Variants in ADGRL2 observed in about 807,000 individuals in gnomAD.
The protein encoded by ADGRL2 is calcium-independent alpha-latrotoxin receptor 2.
ADGRL2 carries 44 observed loss-of-function variants against 157.4 expected under a neutral mutation model. The ratio of observed to expected loss-of-function variants is 0.28; its 90% CI spans 0.22 to 0.36. The LOEUF (loss-of-function observed/expected upper bound fraction) is 0.36, where lower values mean the gene tolerates loss of function less well. Among genes scored for constraint, ADGRL2 ranks in the 10% least tolerant of loss-of-function variants. The pLI is 1.00. For missense variants in ADGRL2, 1,510 were observed against 1,768.9 expected, an observed-to-expected ratio of 0.85 and a Z score of 2.63; for synonymous variants, 585 against 624.7, an observed-to-expected ratio of 0.94 and a Z score of 0.95.
chr1:81,446,078 A>G (rs532493988), intron 2 of ADGRL2, among the ~76,000 whole-genome samples: 36 of 152,264 alleles, frequency 2.4e-4, no homozygotes, highest in Non-Finnish European at 4.3e-4. Context: ...CCAAACTCTG[A>G]GTTCTGTTTT....
intron 1 of ADGRL2, among the ~76,000 whole-genome samples, chr1:81,718,118 C>T (rs2084176585): frequency 6.6e-6 from 1 of 152,154 alleles, no homozygotes. Context: ...CTCTCGGGTT[C>T]AAGTGATTCT....
At chr1:81,703,022 G>A (rs1211254670) in intron 1 of ADGRL2, among the ~76,000 whole-genome samples, 1 of 152,192 alleles carries the variant, frequency 6.6e-6, no homozygotes, top group Non-Finnish European at 1.5e-5. Context: ...ACAACACACT[G>A]GGGTAGTTCA....
chr1:81,638,229 G>A (rs900184871), intron 3 of ADGRL2, among the ~76,000 whole-genome samples: 3 of 152,050 alleles, frequency 2.0e-5, no homozygotes, highest in Non-Finnish European at 4.4e-5. Flanking sequence ...ACTTTCTTTG[G>A]CAAACAATAA....
At chr1:81,465,009 C>G (rs1170321190) in intron 2 of ADGRL2, among the ~76,000 whole-genome samples, 1 of 151,628 alleles carries the variant, frequency 6.6e-6, no homozygotes, top group African/African-American at 2.4e-5. Flanking sequence ...CAGTCGCCCA[C>G]TGTTCTACCA....
rs542879373 is a variant in ADGRL2 at position 81,412,563 on chromosome 1, A to G, written c.-301-32473A>G. ...TAATGATATATTTAACTTTCTCTCCACTTGGACTCTAAGCTCGCTGGGGGA... is the reference window on the plus strand; with the variant it reads ...TAATGATATATTTAACTTTCTCTCCGCTTGGACTCTAAGCTCGCTGGGGGA... On this transcript the variant is annotated intron_variant, in intron 1 of 24. Coordinates refer to the ADGRL2 transcript ENST00000370721. 2.0e-5 allele frequency among the ~76,000 whole-genome samples: 3 copies of G among 152,280 alleles called. No homozygotes were observed. The East Asian group carries it at 5.8e-4, about 29-fold the overall frequency.
At chr1:81,376,505 TTTCCTCCTTCCTTCTCTCCTTCTTTTC>T (rs1432917885) in intron 1 of ADGRL2, among the ~76,000 whole-genome samples, 1 of 152,014 alleles carries the variant, frequency 6.6e-6, no homozygotes, top group East Asian at 1.9e-4. Flanking sequence ...ATGTCCTTTT[TTTCCTCCTTCCTTCTCTCCTTCTTTTC>T]TTCCTTCCTT....
At chr1:81,977,005 GT>G (rs1660368786) in intron 17 of ADGRL2, among the ~76,000 whole-genome samples, 1 of 151,680 alleles carries the variant, frequency 6.6e-6, no homozygotes, top group Non-Finnish European at 1.5e-5. Flanking sequence ...GTATATCTTT[GT>G]TAGGAGACTT....
intron 1 of ADGRL2, among the ~76,000 whole-genome samples, chr1:81,803,675 G>A (rs1166194295): frequency 3.3e-5 from 5 of 152,074 alleles, no homozygotes; most frequent in African/African-American, 4.8e-5. Context: ...CTCCCAAGCA[G>A]CCTGGGAGCG....
chr1:81,970,369 C>T lies in ADGRL2; in HGVS notation c.2789C>T (p.Ala930Val), dbSNP rs1478022145. 5.0e-6 allele frequency: 8 copies of T among 1,596,882 alleles called. No homozygotes were observed. In the Admixed American group the frequency reaches 1.4e-4, roughly 29 times the overall value. The change falls in exon 16 of 24, where the codon GCT (alanine) becomes GTT (valine). Residue 930 changes from alanine (A) to valine (V), a missense_variant. Ala to Val is a moderately conservative substitution (Grantham distance 64, BLOSUM62 0). Around this residue, in one of 4 missense-constraint regions of ADGRL2, gnomAD observed 497 missense variants for 627.2 expected, o/e 0.79. Coordinates refer to ENST00000686636, the MANE Select transcript of ADGRL2 (RefSeq NM_001366006.2). ...LLHFFFLAAF[A>V]WMCLEGVQLY... ...CACTTTTTCTTTTTGGCAGCTTTTG[C>T]TTGGATGTGCCTAGAAGGTGTGCAG...
At chr1:81,371,025 A>T (rs1231247065) in intron 1 of ADGRL2, among the ~76,000 whole-genome samples, 1 of 152,120 alleles carries the variant, frequency 6.6e-6, no homozygotes, top group Non-Finnish European at 1.5e-5. Flanking sequence ...AAATGTATCT[A>T]TTTAGGCCAT....
At chr1:81,768,720 G>A (rs2086235038) in intron 2 of ADGRL2, among the ~76,000 whole-genome samples, 1 of 152,038 alleles carries the variant, frequency 6.6e-6, no homozygotes, top group Non-Finnish European at 1.5e-5. Context: ...CAATCCTCCT[G>A]CCTTAGCCTC....
At chr1:81,564,332 C>T (rs1243618688) in intron 2 of ADGRL2, among the ~76,000 whole-genome samples, 2 of 152,160 alleles carry the variant, frequency 1.3e-5, no homozygotes, top group African/African-American at 4.8e-5. Flanking sequence ...TAAGTCAGGC[C>T]TCTCATGAGG....
Position 81,736,437 on chromosome 1 carries a change from C to T in ADGRL2, c.-142-25374C>T, listed in dbSNP as rs2084905135. ...TAACCATCCTATACCTAATGGGGTT[C>T]CTCTTATTTATTTCCTGGATAATTT... On this transcript the variant is annotated intron_variant, in intron 1 of 20. Transcript: ENST00000359929. 2.0e-5 allele frequency among the ~76,000 whole-genome samples: 3 copies of T among 152,096 alleles called. No homozygotes were observed. In the South Asian group the frequency reaches 6.2e-4, roughly 32 times the overall value.
chr1:81,894,929 G>A (rs2094349154), intron 2 of ADGRL2, among the ~76,000 whole-genome samples: 1 of 152,106 alleles, frequency 6.6e-6, no homozygotes, highest in African/African-American at 2.4e-5. Flanking sequence ...AGGTTACATG[G>A]CTGATACTTT....
intron 1 of ADGRL2, among the ~76,000 whole-genome samples, chr1:81,356,734 C>A (rs6424748): frequency 0.94 from 143,375 of 151,760 alleles, 67,999 homozygotes; most frequent in East Asian, 1. Flanking sequence ...TGGGTGGATC[C>A]CGAGGTCAGG....
rs1035682472 is a variant in ADGRL2, at chr1:81,681,409, G to A, written c.-142-80402G>A. ...AAAGCCAGTGCCAAAGAAGAGACAG[G>A]AAGAATGCATGTGTGAGTAAAGGGT... On this transcript the variant is annotated intron_variant, in intron 3 of 24. Coordinates refer to the ADGRL2 transcript ENST00000370721. 2.6e-5 allele frequency among the ~76,000 whole-genome samples: 4 copies of A among 152,184 alleles called. No individual in the cohort carries two copies. In the South Asian group the frequency reaches 6.2e-4, roughly 24 times the overall value.
At chr1:81,598,963 C>T (rs1466773615) in intron 3 of ADGRL2, among the ~76,000 whole-genome samples, 1 of 152,176 alleles carries the variant, frequency 6.6e-6, no homozygotes, top group Non-Finnish European at 1.5e-5. Context: ...ATCTAAATGC[C>T]TCCCCTCTTG....
At chr1:81,466,413 A>G (rs542085113) in intron 2 of ADGRL2, among the ~76,000 whole-genome samples, 3 of 152,300 alleles carry the variant, frequency 2.0e-5, no homozygotes, top group African/African-American at 7.2e-5. Context: ...GGACAGTGCA[A>G]TTTGAGGTCT....
At chr1:81,960,516 C>T (rs1417501456) in intron 11 of ADGRL2, among the ~76,000 whole-genome samples, 1 of 148,506 alleles carries the variant, frequency 6.7e-6, no homozygotes, top group African/African-American at 2.5e-5. Flanking sequence ...CCTCTGTTGC[C>T]CAGGCTGGAG....
Sources: allele counts gnomAD v4.1 joint callset (sites outside exome capture counted in the v4.1 genomes callset), GRCh38; gene constraint gnomAD v4.1.1; regional missense constraint gnomAD v4.1.1; transcripts MANE v1.5; gene names NCBI Gene and HGNC (gene_info 2026-07-23, HGNC 2026-07-21).